Variants in KLHL1 observed in about 807,000 individuals in gnomAD.
KLHL1 encodes the protein kelch like family member 1, also known as kelch-like protein 1.
In KLHL1, 47 loss-of-function variants were observed where a neutral mutation model predicts 77.7. That is an observed-to-expected ratio of 0.60 (90% CI 0.48 to 0.77). The LOEUF (loss-of-function observed/expected upper bound fraction) is 0.77, where lower values mean the gene tolerates loss of function less well. KLHL1 is among the 30% of genes least tolerant of loss of function. KLHL1 has a pLI of 0.00. For missense variants in KLHL1, 925 were observed against 910.8 expected (o/e 1.02, Z -0.20); for synonymous variants, 360 against 325.2 (o/e 1.11, Z -1.15).
At chr13:69,771,030 C>T (rs1875538935) in intron 7 of KLHL1, among the ~76,000 whole-genome samples, 1 of 152,184 alleles carries the variant, frequency 6.6e-6, no homozygotes, top group Non-Finnish European at 1.5e-5. Context: ...CTGTGATCTG[C>T]TAATTTCACT....
intron 4 of KLHL1, among the ~76,000 whole-genome samples, chr13:69,915,325 C>T (rs560434487): frequency 1.3e-5 from 2 of 152,296 alleles, no homozygotes; most frequent in African/African-American, 4.8e-5. Context: ...AGGCATCAGG[C>T]TACCTGACTT....
intron 4 of KLHL1, among the ~76,000 whole-genome samples, chr13:69,883,222 TTTTG>T (rs1172975068): frequency 6.6e-6 from 1 of 152,172 alleles, no homozygotes; most frequent in African/African-American, 2.4e-5. Context: ...TTTTGTTTTG[TTTTG>T]TTTTATTATT....
chr13:70,040,770 T>C (rs1886359880), intron 1 of KLHL1, among the ~76,000 whole-genome samples: 2 of 152,182 alleles, frequency 1.3e-5, no homozygotes, highest in Admixed American at 1.3e-4. Context: ...CTTTGTTTTG[T>C]TTGCCAAATT....
intron 8 of KLHL1, among the ~76,000 whole-genome samples, chr13:69,737,131 G>A (rs186323250): frequency 1.3e-5 from 2 of 152,294 alleles, no homozygotes; most frequent in East Asian, 1.9e-4. Flanking sequence ...GTGAGGGATT[G>A]TGCTACCCCT....
chr13:69,796,588 AGAAAT>A, intron 7 of KLHL1, 145 bp downstream of exon 7: 1 of 652,238 alleles, frequency 1.5e-6, no homozygotes, highest in East Asian at 2.8e-5. Context: ...TAGTGAGCCA[AGAAAT>A]TTTTCTATGT....
chr13:70,061,982 T>A (rs561745544), intron 1 of KLHL1, among the ~76,000 whole-genome samples: 15 of 152,138 alleles, frequency 9.9e-5, no homozygotes, highest in Admixed American at 2.0e-4. Context: ...CTTTTGACAA[T>A]GTACGATAAA....
intron 1 of KLHL1, among the ~76,000 whole-genome samples, chr13:69,991,676 C>G (rs1375876921): frequency 7.1e-6 from 1 of 140,202 alleles, no homozygotes; most frequent in Non-Finnish European, 1.6e-5. Flanking sequence ...GCCTATCAAC[C>G]AAAAAAAAAA....
chr13:69,839,895 C>A (rs1034030258), intron 5 of KLHL1, among the ~76,000 whole-genome samples: 1 of 151,984 alleles, frequency 6.6e-6, no homozygotes, highest in Admixed American at 6.6e-5. Flanking sequence ...CTTTCTCTTT[C>A]GCTCTTTAGA....
intron 7 of KLHL1, among the ~76,000 whole-genome samples, chr13:69,796,431 T>C (rs902824209): frequency 6.6e-6 from 1 of 152,010 alleles, no homozygotes; most frequent in African/African-American, 2.4e-5. Flanking sequence ...CAAGAGCTGG[T>C]TGTTAAAAAG....
chr13:69,817,939 G>A (rs1878184787), intron 6 of KLHL1, among the ~76,000 whole-genome samples: 1 of 152,034 alleles, frequency 6.6e-6, no homozygotes, highest in Non-Finnish European at 1.5e-5. Flanking sequence ...CTATTAAGAG[G>A]CAAAATATAG....
intron 2 of KLHL1, among the ~76,000 whole-genome samples, chr13:69,966,789 TTATC>T (rs1421162594): frequency 6.6e-6 from 1 of 152,058 alleles, no homozygotes; most frequent in Admixed American, 6.6e-5. Flanking sequence ...TGGATCTCCA[TTATC>T]TATTATTCAA....
At chr13:70,098,609 T>C (rs559220657) in intron 1 of KLHL1, among the ~76,000 whole-genome samples, 3 of 151,952 alleles carry the variant, frequency 2.0e-5, no homozygotes, top group African/African-American at 7.2e-5. Flanking sequence ...TGGCAGGACA[T>C]TTAGTAATTA....
intron 3 of KLHL1, among the ~76,000 whole-genome samples, chr13:69,960,110 C>T (rs910928987): frequency 1.9e-4 from 24 of 124,210 alleles, no homozygotes; most frequent in African/African-American, 2.4e-4. Context: ...AGCATGTGTA[C>T]TTTTTTTTTT....
chr13:69,873,034 A>G (rs1453527709), intron 5 of KLHL1, among the ~76,000 whole-genome samples: 4 of 152,196 alleles, frequency 2.6e-5, no homozygotes, highest in Non-Finnish European at 2.9e-5. Context: ...ATAGACATCA[A>G]TTCTTAGGAA....
intron 1 of KLHL1, among the ~76,000 whole-genome samples, chr13:70,008,769 T>A (rs1036162563): frequency 6.6e-6 from 1 of 152,166 alleles, no homozygotes; most frequent in Admixed American, 6.6e-5. Flanking sequence ...TGAATATATA[T>A]GCCAAAACAA....
intron 2 of KLHL1, among the ~76,000 whole-genome samples, chr13:69,968,584 G>C (rs1884288909): frequency 6.6e-6 from 1 of 151,106 alleles, no homozygotes; most frequent in African/African-American, 2.4e-5. Context: ...TAAATTATTT[G>C]TTTTAAACAT....
chr13:69,740,124 T>C (rs1566200238), intron 8 of KLHL1, among the ~76,000 whole-genome samples: 1 of 152,184 alleles, frequency 6.6e-6, no homozygotes, highest in Non-Finnish European at 1.5e-5. Context: ...TAGTAGTTTT[T>C]TGAAGGCTAC....
At chr13:69,798,921 AAAT>A (rs1010326547) in intron 6 of KLHL1, among the ~76,000 whole-genome samples, 1 of 151,888 alleles carries the variant, frequency 6.6e-6, no homozygotes, top group Non-Finnish European at 1.5e-5. Context: ...AAAATACAAA[AAAT>A]AATAATAAAA....
chr13:69,782,013 T>C (rs1007357947), intron 7 of KLHL1, among the ~76,000 whole-genome samples: 6 of 152,214 alleles, frequency 3.9e-5, no homozygotes, highest in African/African-American at 1.4e-4. Context: ...TGAAGAGACA[T>C]TTCTTACAAT....
Sources: allele counts gnomAD v4.1 joint callset (sites outside exome capture counted in the v4.1 genomes callset), GRCh38; gene constraint gnomAD v4.1.1; transcripts MANE v1.5; gene names NCBI Gene and HGNC (gene_info 2026-07-23, HGNC 2026-07-21).